The following RTN4 variants were observed in gnomAD, a reference collection of about 807,000 sequenced individuals.
The protein encoded by RTN4 is reticulon-4.
In RTN4, 32 loss-of-function variants were observed where a neutral mutation model predicts 90.4. The observed-to-expected ratio is 0.35, with a 90% CI of 0.27 to 0.48. The LOEUF is 0.48. Among genes scored for constraint, RTN4 ranks in the 20% least tolerant of loss-of-function variants. RTN4 has a pLI of 0.99. For synonymous variants in RTN4, 629 were observed against 552.5 expected (o/e 1.14, Z -1.94); for missense variants, 1,706 against 1,430.2 (o/e 1.19, Z -3.11).
At chr2:55,016,982 T>G (rs1206103672) in intron 3 of RTN4, among the ~76,000 whole-genome samples, 1 of 152,202 alleles carries the variant, frequency 6.6e-6, no homozygotes, top group Non-Finnish European at 1.5e-5. Context: ...ATATTTATTT[T>G]CAATCTGTAT....
intron 1 of RTN4, among the ~76,000 whole-genome samples, chr2:55,107,365 G>A (rs1337275067): frequency 7.4e-6 from 1 of 134,542 alleles, no homozygotes; most frequent in East Asian, 2.2e-4. Context: ...AAAAAATCTT[G>A]TAAGGATTTA....
chr2:54,998,272 T>A (rs1301361386), intron 3 of RTN4, among the ~76,000 whole-genome samples: 1 of 151,898 alleles, frequency 6.6e-6, no homozygotes, highest in African/African-American at 2.4e-5. Context: ...GGAAATAGAT[T>A]TAAAACTTTA....
In RTN4 at chr2:55,028,172, G is replaced by A; in HGVS notation, c.605C>T (p.Ser202Phe). 1 of 1,612,764 alleles carries A rather than the reference G, an allele frequency of 6.2e-7. No individual in the cohort carries two copies. Among genetic ancestry groups the A allele is most frequent in the Non-Finnish European group, 8.5e-7 (1 of 1,179,318 alleles). ...TGGCAGAAAGAACTTGCCTGCAGAG[G>A]AGCGTATCACAGGCTCAGATGCAGC... ...LPAASEPVIR[S>F]SAENMDLKEQ... is the part of the protein sequence containing the mutation. Residue 202 changes from serine to phenylalanine, a missense_variant, in exon 2 of 9, where the codon TCC (serine) becomes TTC (phenylalanine). Coordinates refer to ENST00000337526, the MANE Select transcript of RTN4 (RefSeq NM_020532.5).
intron 1 of RTN4, among the ~76,000 whole-genome samples, chr2:55,086,677 C>CATA (rs1221139812): frequency 6.6e-6 from 1 of 151,832 alleles, no homozygotes; most frequent in Non-Finnish European, 1.5e-5. Flanking sequence ...CTCTAACCAA[C>CATA]ATAATAATAA....
chr2:55,026,722 T>C lies in RTN4; in HGVS notation c.1377A>G (p.Gly459=), dbSNP rs200772365. The C allele has an allele frequency of 3.7e-6, 6 of 1,613,954 alleles. No individual in the cohort carries two copies. Among genetic ancestry groups the C allele is most frequent in the Non-Finnish European group, 5.1e-6 (6 of 1,179,878 alleles). The stretch of plus-strand genomic sequence containing the variant: ...TAAAGGGAGCACATGTGATATATGC[T>C]CCTGAACGATCCTTTATACCTTCTG... The part of the protein sequence containing the change: ...STPEGIKDRS[G]AYITCAPFNP... The change falls in exon 3 of 9, where the codon GGA becomes GGG. Residue 459 remains glycine (G), a synonymous_variant. Transcript: ENST00000337526.
intron 3 of RTN4, among the ~76,000 whole-genome samples, chr2:54,990,590 TAAAG>T (rs1678925195): frequency 6.6e-6 from 1 of 152,142 alleles, no homozygotes; most frequent in Non-Finnish European, 1.5e-5. Flanking sequence ...AGTAAATACA[TAAAG>T]AAGAAAATTT....
chr2:55,005,432 T>TA (rs1311550237), intron 3 of RTN4, among the ~76,000 whole-genome samples: 2 of 152,182 alleles, frequency 1.3e-5, no homozygotes, highest in Non-Finnish European at 2.9e-5. Flanking sequence ...ATAGCTATCT[T>TA]AGAGTAAAAA....
chr2:55,071,339 C>T lies in RTN4; in HGVS notation c.-63+9150G>A, dbSNP rs558135691. 7.6e-4 allele frequency among the ~76,000 whole-genome samples: 116 copies of T among 151,724 alleles called. No individual in the cohort carries two copies. In the Middle Eastern group the frequency reaches 0.017, roughly 22 times the overall value. On this transcript the variant is annotated intron_variant, in intron 2 of 3. Coordinates refer to the RTN4 transcript ENST00000427710. ...AATAGTACCTTCCCTACCTTCTGTA[C>T]GGGTGATTATAAGGAAACAACGAAA...
chr2:55,083,724 G>C (rs753052294), intron 1 of RTN4, among the ~76,000 whole-genome samples: 4 of 152,038 alleles, frequency 2.6e-5, no homozygotes, highest in Non-Finnish European at 5.9e-5. Flanking sequence ...ATTTAAAATG[G>C]GGACTAGATC....
upstream of RTN4, among the ~76,000 whole-genome samples, chr2:55,116,545 T>C (rs1446704790): frequency 6.6e-6 from 1 of 152,224 alleles, no homozygotes; most frequent in Non-Finnish European, 1.5e-5. Flanking sequence ...ATTGGAAGCA[T>C]TCACTGTTAG....
chr2:54,981,283 G>T (rs2580767), intron 5 of RTN4, among the ~76,000 whole-genome samples: 89,853 of 145,120 alleles, frequency 0.62, 27,140 homozygotes, highest in East Asian at 0.71. Context: ...AAATGTTTTT[G>T]TTTTTTTTTT....
At position 54,973,885 on chromosome 2, in the gene RTN4, C is replaced by G; in HGVS notation, c.3431-18G>C. Reference sequence around the variant, plus strand: ...AATGAGAGCTGAAAAGGGAAATATACAACTTTTCAAAAAGAACGGAATGAT... The same window carrying G: ...AATGAGAGCTGAAAAGGGAAATATAGAACTTTTCAAAAAGAACGGAATGAT... On this transcript the variant is annotated intron_variant, in intron 6 of 8. Coordinates refer to ENST00000337526, the MANE Select transcript of RTN4 (RefSeq NM_020532.5). 6.2e-7 allele frequency: 1 copy of G among 1,602,988 alleles called. No individual in the cohort carries two copies. Among genetic ancestry groups the G allele is most frequent in the Non-Finnish European group, 8.5e-7 (1 of 1,173,380 alleles).
At chr2:55,010,262 G>A in intron 3 of RTN4, 10 of 1,514,786 alleles carry the variant, frequency 6.6e-6, no homozygotes, top group Non-Finnish European at 8.8e-6. Flanking sequence ...CTGCACAACT[G>A]CAGCAGGACT....
intron 2 of RTN4, among the ~76,000 whole-genome samples, 181 bp from the exon 3 acceptor site, chr2:55,027,666 T>C (rs978726025): frequency 1.3e-5 from 2 of 151,146 alleles, no homozygotes; most frequent in Admixed American, 6.6e-5. Context: ...TATTAAGCTA[T>C]TGTAAATATA....
chr2:55,123,028 G>A, the RTN4 span, among the ~76,000 whole-genome samples: 43 of 152,190 alleles, frequency 2.8e-4, no homozygotes, highest in Non-Finnish European at 7.3e-5. Flanking sequence ...TTACAGCACT[G>A]CAAATCCAAT....
the RTN4 span, among the ~76,000 whole-genome samples, chr2:55,129,531 T>G: frequency 6.6e-6 from 1 of 151,998 alleles, no homozygotes; most frequent in Non-Finnish European, 1.5e-5. Flanking sequence ...CAGAGAGCTA[T>G]GATTGCACCA....
intron 3 of RTN4, among the ~76,000 whole-genome samples, chr2:55,021,893 G>A (rs1457000512): frequency 6.6e-6 from 1 of 152,054 alleles, no homozygotes; most frequent in Non-Finnish European, 1.5e-5. Context: ...CTAGTAAGTT[G>A]CTATGATAAC....
upstream of RTN4, among the ~76,000 whole-genome samples, chr2:55,054,165 A>G (rs984918695): frequency 2.0e-5 from 3 of 152,228 alleles, no homozygotes; most frequent in Non-Finnish European, 4.4e-5. Flanking sequence ...GTCTCTTTTA[A>G]ATAGAAAGAT....
Position 55,057,747 on chromosome 2 carries a change from G to C in RTN4, c.-63+22742C>G, listed in dbSNP as rs1236616970. 2.0e-5 allele frequency among the ~76,000 whole-genome samples: 3 copies of C among 152,198 alleles called. No homozygotes were observed. The East Asian group carries it at 5.8e-4, about 29-fold the overall frequency. On this transcript the variant is annotated intron_variant, in intron 2 of 3. Transcript: ENST00000427710. ...CGCCTATAATCCCAGCACCTAGGGA[G>C]GCCAAAGCAGAGGCTTGCTTGAGGC...
Sources: allele counts gnomAD v4.1 joint callset (sites outside exome capture counted in the v4.1 genomes callset), GRCh38; gene constraint gnomAD v4.1.1; transcripts MANE v1.5; gene names NCBI Gene and HGNC (gene_info 2026-07-23, HGNC 2026-07-21).